The following FER variants were observed in gnomAD, a reference collection of about 807,000 sequenced individuals.
FER encodes the protein FER tyrosine kinase.
FER carries 63 observed loss-of-function variants against 111.0 expected under a neutral mutation model. The ratio of observed to expected loss-of-function variants is 0.57; its 90% CI spans 0.46 to 0.70. The LOEUF (loss-of-function observed/expected upper bound fraction) is 0.70. FER is among the 30% of genes least tolerant of loss of function. The probability of loss-of-function intolerance (pLI) is 0.00; values close to 1 mark genes in which losing one functional copy is unlikely to be tolerated. For missense variants in FER, 914 were observed against 954.0 expected (o/e 0.96, Z 0.55); for synonymous variants, 327 against 313.9 (o/e 1.04, Z -0.44).
At chr5:108,816,210 G>A (rs1261879018) in intron 3 of FER, among the ~76,000 whole-genome samples, 4 of 152,128 alleles carry the variant, frequency 2.6e-5, no homozygotes, top group African/African-American at 7.2e-5. Context: ...GTTTATGTCT[G>A]AAACCTGAAG....
chr5:109,122,523 A>C (rs1582130776), intron 17 of FER, among the ~76,000 whole-genome samples: 1 of 52,030 alleles, frequency 1.9e-5, no homozygotes, highest in Non-Finnish European at 4.6e-5. Context: ...TGTGCTGAGA[A>C]AAAAAAAAAA....
chr5:108,839,440 T>G (rs532682871), intron 5 of FER, among the ~76,000 whole-genome samples: 1 of 152,280 alleles, frequency 6.6e-6, no homozygotes, highest in Admixed American at 6.5e-5. Context: ...CTTAAGGAAG[T>G]CTGCTCTGAG....
intron 10 of FER, among the ~76,000 whole-genome samples, chr5:108,914,568 C>A (rs1449774549): frequency 6.6e-6 from 1 of 152,140 alleles, no homozygotes; most frequent in Non-Finnish European, 1.5e-5. Flanking sequence ...CTGAATGCCT[C>A]TTGGAGAAGT....
At chr5:108,857,534 C>T (rs10042152) in intron 5 of FER, among the ~76,000 whole-genome samples, 33,612 of 151,800 alleles carry the variant, frequency 0.22, 3,912 homozygotes, top group African/African-American at 0.28. Flanking sequence ...GTAGGGAAAA[C>T]GTTGACGCTA....
At chr5:108,813,069 G>A (rs147243476) in intron 3 of FER, among the ~76,000 whole-genome samples, 87 of 152,086 alleles carry the variant, frequency 5.7e-4, no homozygotes, top group African/African-American at 2.0e-3. Flanking sequence ...TCTGTTTGAA[G>A]AACTTCCTTT....
intron 13 of FER, among the ~76,000 whole-genome samples, chr5:108,970,695 A>G (rs1224610021): frequency 6.6e-6 from 1 of 152,168 alleles, no homozygotes; most frequent in African/African-American, 2.4e-5. Context: ...TTTAAAAAGG[A>G]AAATGAACTT....
At chr5:109,159,906 T>G (rs1755819120) in intron 17 of FER, among the ~76,000 whole-genome samples, 1 of 152,150 alleles carries the variant, frequency 6.6e-6, no homozygotes, top group Non-Finnish European at 1.5e-5. Context: ...ATTGACTAGT[T>G]TTGATTTACC....
chr5:108,808,266 T>G (rs1214828772), intron 3 of FER, among the ~76,000 whole-genome samples: 2 of 152,128 alleles, frequency 1.3e-5, no homozygotes, highest in Non-Finnish European at 2.9e-5. Flanking sequence ...GTATTTTTTT[T>G]GTGAATCTAG....
At chr5:109,114,157 A>AATT (rs1749960730) in intron 17 of FER, among the ~76,000 whole-genome samples, 1 of 152,102 alleles carries the variant, frequency 6.6e-6, no homozygotes, top group Admixed American at 6.6e-5. Context: ...CCCTCACTCT[A>AATT]ATGTAAAAGG....
intron 16 of FER, among the ~76,000 whole-genome samples, chr5:109,083,878 T>A (rs1432548480): frequency 1.3e-5 from 2 of 152,030 alleles, no homozygotes; most frequent in Non-Finnish European, 2.9e-5. Context: ...AATACCACCA[T>A]GCTATGCTAT....
intron 13 of FER, among the ~76,000 whole-genome samples, chr5:109,018,083 C>A (rs1767434128): frequency 1.3e-5 from 2 of 151,796 alleles, no homozygotes; most frequent in African/African-American, 4.8e-5. Flanking sequence ...AGTTAGAATG[C>A]CTAGTCAAAT....
intron 1 of FER, among the ~76,000 whole-genome samples, chr5:108,765,703 C>A (rs1273406160): frequency 6.6e-6 from 1 of 152,202 alleles, no homozygotes; most frequent in Non-Finnish European, 1.5e-5. Flanking sequence ...ACAGGGAATT[C>A]TAAATAATGC....
intron 8 of FER, among the ~76,000 whole-genome samples, chr5:108,879,701 A>AATATATATATATATATAT (rs1554084618): frequency 3.9e-4 from 39 of 99,086 alleles, no homozygotes; most frequent in Admixed American, 9.9e-4. Context: ...ATTAAAAAAA[A>AATATATATATATATATAT]ATATATATAT....
chr5:108,785,595 T>C, intron 2 of FER: 1 of 427,432 alleles, frequency 2.3e-6, no homozygotes, highest in Admixed American at 3.0e-5. Context: ...ACGAACAAAC[T>C]GGAAAAAAAA....
chr5:109,153,987 C>T (rs1419825659), intron 17 of FER, among the ~76,000 whole-genome samples: 3 of 151,764 alleles, frequency 2.0e-5, no homozygotes, highest in Admixed American at 1.3e-4. Context: ...ATATTCTCAG[C>T]GATCTTTCTC....
intron 3 of FER, among the ~76,000 whole-genome samples, chr5:108,826,461 CA>C (rs1000909608): frequency 6.6e-6 from 1 of 152,042 alleles, no homozygotes; most frequent in African/African-American, 2.4e-5. Context: ...CTGTGTTACC[CA>C]GGCTGATCTT....
intron 12 of FER, 90 bp downstream of exon 12, chr5:108,955,022 C>A: frequency 1.8e-6 from 2 of 1,092,956 alleles, no homozygotes; most frequent in South Asian, 2.1e-5. Context: ...GTGATAAATG[C>A]CTGCAACACT....
intron 13 of FER, among the ~76,000 whole-genome samples, chr5:108,961,342 A>G (rs2149673193): frequency 6.6e-6 from 1 of 152,280 alleles, no homozygotes; most frequent in African/African-American, 2.4e-5. Flanking sequence ...CAACGCAGGT[A>G]TGAGTTTGAC....
intron 13 of FER, among the ~76,000 whole-genome samples, chr5:109,017,147 C>T (rs553198652): frequency 1.3e-5 from 2 of 151,990 alleles, no homozygotes; most frequent in Non-Finnish European, 2.9e-5. Flanking sequence ...TTTAATATTA[C>T]AGGCTTTTTA....
Sources: allele counts gnomAD v4.1 joint callset (sites outside exome capture counted in the v4.1 genomes callset), GRCh38; gene constraint gnomAD v4.1.1; transcripts MANE v1.5; gene names NCBI Gene and HGNC (gene_info 2026-07-23, HGNC 2026-07-21).